LRP2: variants seen among roughly 807,000 people sequenced by gnomAD.
The protein encoded by LRP2 is LDL receptor related protein 2.
In LRP2, 172 loss-of-function variants were observed where a neutral mutation model predicts 531.0. The observed-to-expected ratio is 0.32, with a 90% CI of 0.29 to 0.37. The LOEUF is 0.37. LRP2 is among the 10% of genes least tolerant of loss of function. The pLI is 1.00. For missense variants in LRP2, 5,167 were observed against 5,868.3 expected, an observed-to-expected ratio of 0.88 and a Z score of 3.90; for synonymous variants, 1,992 against 2,027.6, an observed-to-expected ratio of 0.98 and a Z score of 0.47.
rs745450394 is a variant in LRP2, at chr2:169,185,922, C to A, written c.9426G>T (p.Lys3142Asn). ...SFYCSCRPGY[K>N]LMSDKRTCVD... ...CACAAGTCCGCTTGTCAGACATGAG[C>A]TTGTAACCAGGACGACAGGAACAAT... The change falls in exon 50 of 79, where the codon AAG (lysine) becomes AAT (asparagine). Residue 3142 changes from lysine to asparagine, a missense_variant. Transcript: ENST00000649046. The A allele has an allele frequency of 3.9e-5, 63 of 1,613,838 alleles. No homozygotes were observed. Among genetic ancestry groups the A allele is most frequent in the Non-Finnish European group, 5.2e-5 (61 of 1,179,974 alleles).
At chr2:169,193,996 A>G in intron 46 of LRP2, 104 bp from the exon 47 acceptor site, 1 of 1,259,772 alleles carries the variant, frequency 7.9e-7, no homozygotes, top group Non-Finnish European at 1.1e-6. Flanking sequence ...CCTGAAACAG[A>G]GCATTATTTA....
intron 44 of LRP2, 90 bp from the exon 45 acceptor site, chr2:169,199,001 C>T: frequency 1.5e-6 from 2 of 1,373,514 alleles, no homozygotes; most frequent in Non-Finnish European, 2.0e-6. Flanking sequence ...TATTGTGGAA[C>T]TCAAACCACT....
At chr2:169,242,877 G>T (rs1162856754) in intron 24 of LRP2, 79 bp downstream of exon 24, 2 of 1,024,738 alleles carry the variant, frequency 2.0e-6, no homozygotes, top group Non-Finnish European at 3.1e-6. Context: ...TAGGGAAAAT[G>T]TGTGGCAATA....
chr2:169,320,216 C>T (rs1684872562), intron 2 of LRP2, among the ~76,000 whole-genome samples: 2 of 152,140 alleles, frequency 1.3e-5, no homozygotes, highest in Admixed American at 1.3e-4. Context: ...ATGTGAAAGT[C>T]ATTTTATAAT....
chr2:169,207,358 T>A, intron 38 of LRP2, 108 bp from the exon 39 acceptor site: 1 of 787,110 alleles, frequency 1.3e-6, no homozygotes, highest in Non-Finnish European at 2.2e-6. Flanking sequence ...TCTGGGTCAC[T>A]ATATGTTGTC....
intron 61 of LRP2, 71 bp from the exon 62 acceptor site, chr2:169,166,125 C>G (rs768413227): frequency 4.2e-5 from 63 of 1,514,274 alleles, no homozygotes; most frequent in Middle Eastern, 3.4e-4. Context: ...CTAAAATACT[C>G]CAGTGTCAGC....
At chr2:169,278,788 A>G (rs1354647601) in intron 12 of LRP2, among the ~76,000 whole-genome samples, 1 of 152,250 alleles carries the variant, frequency 6.6e-6, no homozygotes, top group African/African-American at 2.4e-5. Flanking sequence ...TAAGTCTCCT[A>G]TAACACTTCT....
intron 31 of LRP2, among the ~76,000 whole-genome samples, chr2:169,230,049 T>C (rs1689345626): frequency 6.6e-6 from 1 of 152,226 alleles, no homozygotes; most frequent in African/African-American, 2.4e-5. Flanking sequence ...AAGTTCCACT[T>C]CGGTAAAGTC....
intron 1 of LRP2, among the ~76,000 whole-genome samples, chr2:169,321,730 C>G (rs1044958496): frequency 6.6e-6 from 1 of 151,780 alleles, no homozygotes; most frequent in Non-Finnish European, 1.5e-5. Context: ...TTTTTTAAAC[C>G]AAAGAGCCAA....
chr2:169,243,213 T>C (rs1001536090), intron 23 of LRP2, 141 bp from the exon 24 acceptor site: 9 of 884,344 alleles, frequency 1.0e-5, no homozygotes, highest in Admixed American at 2.0e-5. Context: ...GGTATACACG[T>C]GCCATGGTGG....
chr2:169,314,848 C>T (rs1684714387), intron 3 of LRP2, among the ~76,000 whole-genome samples: 1 of 152,186 alleles, frequency 6.6e-6, no homozygotes, highest in African/African-American at 2.4e-5. Context: ...AATACTTCCT[C>T]ATTAAATTTC....
At chr2:169,317,127 T>G (rs768181859) in intron 3 of LRP2, among the ~76,000 whole-genome samples, 5 of 152,206 alleles carry the variant, frequency 3.3e-5, no homozygotes, top group Non-Finnish European at 7.4e-5. Flanking sequence ...GTATAGTCAT[T>G]TAAAATGATA....
chr2:169,313,820 G>T (rs1684685315), intron 3 of LRP2, among the ~76,000 whole-genome samples: 1 of 152,102 alleles, frequency 6.6e-6, no homozygotes. Context: ...CGGCCATCTT[G>T]GAACCTCCCT....
rs1266979552 is a variant in LRP2, at chr2:169,182,346, A to C, written c.9846-27T>G. 3 of 1,612,034 alleles carry C rather than the reference A, an allele frequency of 1.9e-6. No individual in the cohort carries two copies. The South Asian group carries it at 3.3e-5, about 18-fold the overall frequency. The stretch of plus-strand genomic sequence containing the variant: ...TAAAATGGAGAGCCAGGAGTTAACC[A>C]ATACAGTCACTTTGTGAAATGGTAC... On this transcript the variant is annotated intron_variant, in intron 50 of 78. Transcript: ENST00000649046.
chr2:169,201,513 G>A (rs1468363740), intron 44 of LRP2, 115 bp downstream of exon 44: 1 of 1,424,744 alleles, frequency 7.0e-7, no homozygotes, highest in African/African-American at 1.4e-5. Flanking sequence ...TTACGTTTTA[G>A]ATAAATACTT....
intron 16 of LRP2, among the ~76,000 whole-genome samples, chr2:169,269,847 A>G (rs1232752760): frequency 6.6e-6 from 1 of 152,244 alleles, no homozygotes; most frequent in African/African-American, 2.4e-5. Context: ...AATTTTTACA[A>G]TCTACCCATC....
chr2:169,203,674 A>G (rs371362783), intron 42 of LRP2, among the ~76,000 whole-genome samples: 26 of 152,274 alleles, frequency 1.7e-4, no homozygotes, highest in South Asian at 1.4e-3. Flanking sequence ...GGAGAATGGC[A>G]TGAACCCAGG....
At chr2:169,327,325 C>A (rs866452311) in intron 1 of LRP2, among the ~76,000 whole-genome samples, 6,216 of 128,402 alleles carry the variant, frequency 0.048, 244 homozygotes, top group Non-Finnish European at 0.074. Context: ...GGTCAGCCCC[C>A]CGCCCGGCCA....
At chr2:169,338,151 G>A (rs1296685903) in intron 1 of LRP2, among the ~76,000 whole-genome samples, 1 of 150,170 alleles carries the variant, frequency 6.7e-6, no homozygotes, top group Non-Finnish European at 1.5e-5. Context: ...AGGGAAGGAG[G>A]AAGAGAGGGA....
Sources: allele counts gnomAD v4.1 joint callset (sites outside exome capture counted in the v4.1 genomes callset), GRCh38; gene constraint gnomAD v4.1.1; transcripts MANE v1.5; gene names NCBI Gene and HGNC (gene_info 2026-07-23, HGNC 2026-07-21).